MCPH1: variants seen among roughly 807,000 people sequenced by gnomAD.
The protein encoded by MCPH1 is microcephalin.
In MCPH1, 104 loss-of-function variants were observed where a neutral mutation model predicts 84.5. The observed-to-expected ratio is 1.23, with a 90% CI of 1.05 to 1.45. The LOEUF is 1.45. Ranked by LOEUF, MCPH1 falls within the 40% of genes most tolerant of loss-of-function variation. The pLI, the probability that MCPH1 is intolerant of heterozygous loss-of-function variation, is 0.00. For synonymous variants in MCPH1, 514 were observed against 366.8 expected, an observed-to-expected ratio of 1.40 and a Z score of -4.58; for missense variants, 1,498 against 1,005.7, an observed-to-expected ratio of 1.49 and a Z score of -6.62.
intron 12 of MCPH1, among the ~76,000 whole-genome samples, chr8:6,540,597 C>G (rs1388301001): frequency 6.6e-6 from 1 of 152,204 alleles, no homozygotes; most frequent in Non-Finnish European, 1.5e-5. Context: ...GTTGTCAGGC[C>G]ACGTCTGCAT....
chr8:6,515,448 T>C (rs1362116510), intron 12 of MCPH1, among the ~76,000 whole-genome samples: 1 of 152,210 alleles, frequency 6.6e-6, no homozygotes, highest in Non-Finnish European at 1.5e-5. Flanking sequence ...TTCACGCTTC[T>C]CTGTACATAG....
intron 8 of MCPH1, among the ~76,000 whole-genome samples, chr8:6,449,322 A>G (rs1452381472): frequency 6.6e-6 from 1 of 152,180 alleles, no homozygotes; most frequent in Non-Finnish European, 1.5e-5. Flanking sequence ...TCAATTGTGC[A>G]GTTAAATGGG....
chr8:6,574,482 T>A (rs1248235187), intron 12 of MCPH1, among the ~76,000 whole-genome samples: 8 of 152,242 alleles, frequency 5.3e-5, no homozygotes, highest in Non-Finnish European at 1.2e-4. Context: ...TGAGTTGCTG[T>A]GGCTTAGGAC....
chr8:6,454,810 C>G (rs966127995), intron 8 of MCPH1, among the ~76,000 whole-genome samples: 2 of 152,164 alleles, frequency 1.3e-5, no homozygotes, highest in Non-Finnish European at 2.9e-5. Context: ...AAGAGCTGTT[C>G]TTTGTCATTA....
chr8:6,577,346 G>A (rs1202841915), intron 12 of MCPH1, among the ~76,000 whole-genome samples: 1 of 152,174 alleles, frequency 6.6e-6, no homozygotes, highest in Non-Finnish European at 1.5e-5. Flanking sequence ...GCCACTAGAT[G>A]TATAGGTCAG....
At chr8:6,558,663 T>C (rs185764194) in intron 12 of MCPH1, among the ~76,000 whole-genome samples, 1 of 152,312 alleles carries the variant, frequency 6.6e-6, no homozygotes, top group Non-Finnish European at 1.5e-5. Flanking sequence ...AGTGTCTCAA[T>C]AGAAGGTAAG....
intron 13 of MCPH1, among the ~76,000 whole-genome samples, chr8:6,634,234 C>G (rs893234131): frequency 6.6e-6 from 1 of 152,182 alleles, no homozygotes; most frequent in African/African-American, 2.4e-5. Flanking sequence ...TTGAAGGGAA[C>G]TGTGAATATT....
chr8:6,519,962 G>T lies in MCPH1; in HGVS notation c.2214+20033G>T, dbSNP rs1817002802. The T allele has an allele frequency of 3.1e-6, 5 of 1,614,064 alleles. No homozygotes were observed. Among genetic ancestry groups the T allele is most frequent in the Middle Eastern group, 1.6e-4 (1 of 6,062 alleles). On this transcript the variant is annotated intron_variant, in intron 12 of 13. Coordinates refer to ENST00000344683, the MANE Select transcript of MCPH1 (RefSeq NM_024596.5). ...TCAGCACAGTCTCTGAAGCTGATTT[G>T]TTCTTCTTTAGCAACAGTGGGGTCC...
chr8:6,473,534 T>A (rs1003968016), intron 9 of MCPH1, among the ~76,000 whole-genome samples: 31 of 152,078 alleles, frequency 2.0e-4, no homozygotes, highest in African/African-American at 7.5e-4. Flanking sequence ...GGTTTCACAG[T>A]GTTAGCCAGG....
At chr8:6,483,757 G>A (rs1220321914) in intron 11 of MCPH1, among the ~76,000 whole-genome samples, 1 of 152,160 alleles carries the variant, frequency 6.6e-6, no homozygotes, top group Non-Finnish European at 1.5e-5. Flanking sequence ...CTACTCAGGA[G>A]GCTGAGGCAC....
intron 9 of MCPH1, among the ~76,000 whole-genome samples, chr8:6,476,288 G>T (rs1808443444): frequency 6.6e-6 from 1 of 151,986 alleles, no homozygotes; most frequent in Non-Finnish European, 1.5e-5. Flanking sequence ...AATTAGCTCG[G>T]TATGGTAGTG....
chr8:6,420,271 G>A (rs1345829193), intron 3 of MCPH1, among the ~76,000 whole-genome samples: 1 of 152,042 alleles, frequency 6.6e-6, no homozygotes, highest in Admixed American at 6.6e-5. Flanking sequence ...GTTCTCTGTT[G>A]TGGCAGTTGT....
intron 12 of MCPH1, among the ~76,000 whole-genome samples, chr8:6,523,937 G>C (rs1345266106): frequency 1.3e-5 from 2 of 150,696 alleles, no homozygotes; most frequent in African/African-American, 4.9e-5. Context: ...TGGATAGCCT[G>C]ACACTACATT....
chr8:6,476,964 A>G (rs1288830476), intron 9 of MCPH1, among the ~76,000 whole-genome samples: 1 of 152,108 alleles, frequency 6.6e-6, no homozygotes, highest in African/African-American at 2.4e-5. Context: ...TTACAGGAAA[A>G]TTTGTGTTTC....
At chr8:6,603,790 C>G (rs571655395) in intron 12 of MCPH1, among the ~76,000 whole-genome samples, 1 of 152,294 alleles carries the variant, frequency 6.6e-6, no homozygotes, top group Non-Finnish European at 1.5e-5. Flanking sequence ...CTTGCATTCT[C>G]TGAACTTCAC....
intron 12 of MCPH1, chr8:6,514,812 G>GC (rs762403526): frequency 1.5e-4 from 238 of 1,576,624 alleles, no homozygotes; most frequent in Non-Finnish European, 1.6e-4. Flanking sequence ...AAGTGACAGA[G>GC]CCCCCCCACT....
chr8:6,528,541 C>A (rs2129570964), intron 12 of MCPH1, among the ~76,000 whole-genome samples: 1 of 152,316 alleles, frequency 6.6e-6, no homozygotes, highest in East Asian at 1.9e-4. Flanking sequence ...CTTGTTTGAA[C>A]CAATCGAAGC....
chr8:6,429,689 T>G (rs1281025008), intron 3 of MCPH1, among the ~76,000 whole-genome samples: 1 of 152,106 alleles, frequency 6.6e-6, no homozygotes, highest in African/African-American at 2.4e-5. Context: ...TAACCAGAGG[T>G]CAAAAACCTT....
chr8:6,520,113 T>A, intron 12 of MCPH1: 1 of 1,124,648 alleles, frequency 8.9e-7, no homozygotes, highest in Non-Finnish European at 1.2e-6. Context: ...AGCAAAAGGC[T>A]GTACCACTTT....
Sources: allele counts gnomAD v4.1 joint callset (sites outside exome capture counted in the v4.1 genomes callset), GRCh38; gene constraint gnomAD v4.1.1; transcripts MANE v1.5; gene names NCBI Gene and HGNC (gene_info 2026-07-23, HGNC 2026-07-21).